Variants in PPP2R2C observed in about 807,000 individuals in gnomAD.
The protein encoded by PPP2R2C is protein phosphatase 2, regulatory subunit B, gamma.
A neutral mutation model predicts 45.3 loss-of-function variants in PPP2R2C; 10 were observed. The observed-to-expected ratio is 0.22, with a 90% CI of 0.14 to 0.37. The LOEUF (loss-of-function observed/expected upper bound fraction) is 0.37. PPP2R2C is among the 10% of genes least tolerant of loss of function. PPP2R2C has a pLI of 1.00. For missense variants in PPP2R2C, 308 were observed against 619.7 expected, an observed-to-expected ratio of 0.50 and a Z score of 5.34; for synonymous variants, 257 against 245.4, an observed-to-expected ratio of 1.05 and a Z score of -0.44.
chr4:6,511,699 ATGGTGGTGGAGGTGATGGTGGTGATGG>A (rs1723532787), intron 2 of PPP2R2C, among the ~76,000 whole-genome samples: 1 of 21,182 alleles, frequency 4.7e-5, no homozygotes, highest in African/African-American at 2.0e-4. Flanking sequence ...GATGGTGGTG[ATGGTGGTGGAGGTGATGGTGGTGATGG>A]TGGTGGAGGT....
chr4:6,474,817 C>G (rs868056500), upstream of PPP2R2C, among the ~76,000 whole-genome samples: 3 of 150,856 alleles, frequency 2.0e-5, no homozygotes, highest in African/African-American at 7.3e-5. Context: ...CCAGCACAAC[C>G]GAGGACTCTC....
intron 2 of PPP2R2C, among the ~76,000 whole-genome samples, chr4:6,517,288 C>T (rs752504706): frequency 1.4e-4 from 22 of 152,206 alleles, no homozygotes; most frequent in Non-Finnish European, 2.8e-4. Context: ...GGGCACACAA[C>T]TGAATCTCAA....
intron 2 of PPP2R2C, among the ~76,000 whole-genome samples, chr4:6,509,552 GA>G (rs1723359195): frequency 6.6e-6 from 1 of 152,114 alleles, no homozygotes. Flanking sequence ...AATCTGCCCA[GA>G]AATCCAACCA....
intron 1 of PPP2R2C, among the ~76,000 whole-genome samples, chr4:6,390,549 C>T (rs985910255): frequency 1.3e-5 from 2 of 152,176 alleles, no homozygotes; most frequent in Non-Finnish European, 2.9e-5. Context: ...CGCCGGGCGG[C>T]GGGCGCATGG....
intron 2 of PPP2R2C, among the ~76,000 whole-genome samples, chr4:6,529,237 C>T (rs981882088): frequency 5.9e-5 from 9 of 152,348 alleles, no homozygotes; most frequent in African/African-American, 9.6e-5. Flanking sequence ...AAGGAAGCGA[C>T]GCAGGAGCTC....
At chr4:6,493,948 C>T (rs796947938) in intron 2 of PPP2R2C, among the ~76,000 whole-genome samples, 6 of 152,330 alleles carry the variant, frequency 3.9e-5, no homozygotes, top group Admixed American at 2.0e-4. Context: ...CTGTTAGATG[C>T]GTTGGCCTTT....
chr4:6,418,162 T>C (rs1483131647), intron 1 of PPP2R2C, among the ~76,000 whole-genome samples: 1 of 152,144 alleles, frequency 6.6e-6, no homozygotes, highest in African/African-American at 2.4e-5. Flanking sequence ...ACAGGAAGGA[T>C]GTGGGCAAGT....
intron 1 of PPP2R2C, among the ~76,000 whole-genome samples, chr4:6,410,928 G>C (rs1718146927): frequency 6.6e-6 from 1 of 151,766 alleles, no homozygotes; most frequent in African/African-American, 2.4e-5. Flanking sequence ...AAGTGCGGTG[G>C]TGCGATCTCT....
At chr4:6,367,528 A>T (rs2109282719) in intron 5 of PPP2R2C, among the ~76,000 whole-genome samples, 1 of 152,254 alleles carries the variant, frequency 6.6e-6, no homozygotes, top group Non-Finnish European at 1.5e-5. Flanking sequence ...CCCCACTGAG[A>T]CTTGCTTAGA....
At chr4:6,380,581 A>G (rs1230821893) in intron 2 of PPP2R2C, among the ~76,000 whole-genome samples, 2 of 152,194 alleles carry the variant, frequency 1.3e-5, no homozygotes, top group African/African-American at 4.8e-5. Flanking sequence ...TGAAGGCACA[A>G]GCTGGGGCAG....
intron 2 of PPP2R2C, among the ~76,000 whole-genome samples, chr4:6,487,852 G>A (rs528768147): frequency 5.3e-5 from 8 of 151,812 alleles, no homozygotes; most frequent in South Asian, 2.1e-4. Context: ...CATATATTAC[G>A]CCTCTTAAAG....
chr4:6,361,800 G>A (rs114195884), intron 5 of PPP2R2C, among the ~76,000 whole-genome samples: 2,302 of 152,324 alleles, frequency 0.015, 52 homozygotes, highest in African/African-American at 0.052. Flanking sequence ...CCACAGCACT[G>A]AGAAGGAGCA....
chr4:6,342,277 G>A (rs1577083761), intron 6 of PPP2R2C, among the ~76,000 whole-genome samples: 1 of 152,226 alleles, frequency 6.6e-6, no homozygotes, highest in African/African-American at 2.4e-5. Context: ...CGACTATTAG[G>A]AGTGAAGTTT....
rs113727778 is a variant in PPP2R2C at position 6,490,187 on chromosome 4, A to G, written c.49+45084T>C. Reference sequence around the variant, plus strand: ...CCCCACCTCCCACCTGGGCCTGGCCATGTCAGGAAAACAAGACTCCAAGCC... The same window carrying G: ...CCCCACCTCCCACCTGGGCCTGGCCGTGTCAGGAAAACAAGACTCCAAGCC... On this transcript the variant is annotated intron_variant, in intron 2 of 9. Transcript: ENST00000506140. Among the ~76,000 whole-genome samples, 20 of 152,302 alleles carry G rather than the reference A, an allele frequency of 1.3e-4. 1 individual carries two copies. The highest frequency in any genetic ancestry group is 4.8e-4 in the African/African-American group (20 of 41,574).
chr4:6,357,061 C>A (rs1300554234), intron 5 of PPP2R2C, among the ~76,000 whole-genome samples: 1 of 141,134 alleles, frequency 7.1e-6, no homozygotes. Flanking sequence ...ACAGGGACAG[C>A]GAGGTGCTGG....
At chr4:6,535,419 C>T in intron 1 of PPP2R2C, 1 of 1,349,850 alleles carries the variant, frequency 7.4e-7, no homozygotes, top group Non-Finnish European at 1.0e-6. Context: ...AATCAAAGAG[C>T]CTTGGTGCAT....
chr4:6,427,190 T>G (rs1272053906), intron 1 of PPP2R2C, among the ~76,000 whole-genome samples: 1 of 152,230 alleles, frequency 6.6e-6, no homozygotes, highest in Non-Finnish European at 1.5e-5. Flanking sequence ...CCCCACTGTA[T>G]GCCCAGTGCC....
intron 1 of PPP2R2C, among the ~76,000 whole-genome samples, chr4:6,539,119 A>T (rs77571872): frequency 0.011 from 1,691 of 151,814 alleles, 22 homozygotes; most frequent in African/African-American, 0.038. Flanking sequence ...TCCCTAATCC[A>T]ATATGCCTGA....
intron 6 of PPP2R2C, among the ~76,000 whole-genome samples, chr4:6,340,671 C>A (rs1440893791): frequency 6.6e-6 from 1 of 152,254 alleles, no homozygotes; most frequent in Admixed American, 6.5e-5. Flanking sequence ...CGCTAGCCCC[C>A]AGCCAGCCCC....
Sources: gnomAD v4.1 joint callset for allele counts (sites outside exome capture counted in the v4.1 genomes callset) on GRCh38, gnomAD v4.1.1 for gene constraint, MANE v1.5 for transcripts, NCBI Gene and HGNC (gene_info 2026-07-23, HGNC 2026-07-21) for gene names.